Variants in VPS13B observed in about 807,000 individuals in gnomAD.
VPS13B encodes intermembrane lipid transfer protein VPS13B.
VPS13B carries 285 observed loss-of-function variants against 426.4 expected under a neutral mutation model. The observed-to-expected ratio is 0.67, with a 90% confidence interval of 0.61 to 0.74. The LOEUF is 0.74. Ranked by LOEUF, VPS13B falls within the 30% of genes least tolerant of loss-of-function variation. The pLI, the probability that VPS13B is intolerant of heterozygous loss-of-function variation, is 0.00. For synonymous variants in VPS13B, 1,676 were observed against 1,676.4 expected, an observed-to-expected ratio of 1.00 and a Z score of 0.01; for missense variants, 4,537 against 4,782.6, an observed-to-expected ratio of 0.95 and a Z score of 1.51.
intron 36 of VPS13B, among the ~76,000 whole-genome samples, chr8:99,701,172 T>C (rs2130192191): frequency 6.6e-6 from 1 of 152,320 alleles, no homozygotes; most frequent in East Asian, 1.9e-4. Flanking sequence ...TGTATTTTGT[T>C]TAATTGTCTT....
intron 47 of VPS13B, 115 bp downstream of exon 47, chr8:99,819,003 G>T: frequency 3.1e-6 from 3 of 981,266 alleles, no homozygotes; most frequent in South Asian, 2.9e-5. Context: ...GGGAGTGGAG[G>T]GAGTTTTTTG....
intron 21 of VPS13B, among the ~76,000 whole-genome samples, chr8:99,397,244 C>G (rs1029967306): frequency 4.6e-5 from 7 of 152,132 alleles, no homozygotes; most frequent in Non-Finnish European, 1.0e-4. Context: ...CTCCTGAGTT[C>G]AAAAGATTCT....
chr8:99,231,580 A>C (rs541916484), intron 17 of VPS13B, among the ~76,000 whole-genome samples: 1 of 152,226 alleles, frequency 6.6e-6, no homozygotes, highest in Non-Finnish European at 1.5e-5. Context: ...AATTCAGAAC[A>C]GTTGTTGCAC....
At chr8:99,800,242 CT>C (rs1374383797) in intron 43 of VPS13B, among the ~76,000 whole-genome samples, 2 of 152,120 alleles carry the variant, frequency 1.3e-5, no homozygotes, top group Non-Finnish European at 2.9e-5. Flanking sequence ...TGAATCTGTG[CT>C]TTTCAACCCT....
intron 16 of VPS13B, among the ~76,000 whole-genome samples, chr8:99,182,172 A>G (rs1045429236): frequency 5.3e-5 from 8 of 152,238 alleles, no homozygotes; most frequent in African/African-American, 1.9e-4. Flanking sequence ...CCACTCATCA[A>G]TAAAAAATAA....
At chr8:99,401,130 A>G (rs946195022) in intron 21 of VPS13B, among the ~76,000 whole-genome samples, 3 of 152,232 alleles carry the variant, frequency 2.0e-5, no homozygotes, top group Non-Finnish European at 2.9e-5. Context: ...TGAAAAGGGC[A>G]TCATTGACTG....
intron 17 of VPS13B, among the ~76,000 whole-genome samples, chr8:99,217,349 A>G (rs1194004400): frequency 1.3e-5 from 2 of 152,174 alleles, no homozygotes; most frequent in Non-Finnish European, 1.5e-5. Context: ...AGGCAGTAAC[A>G]CGGTCAAGGA....
At chr8:99,509,494 A>G (rs1256104087) in intron 28 of VPS13B, among the ~76,000 whole-genome samples, 2 of 152,170 alleles carry the variant, frequency 1.3e-5, no homozygotes, top group Admixed American at 1.3e-4. Flanking sequence ...AAGCAAAATT[A>G]GCAGTGATAA....
chr8:99,649,746 C>A (rs1056816976), intron 34 of VPS13B, among the ~76,000 whole-genome samples: 1 of 152,110 alleles, frequency 6.6e-6, no homozygotes, highest in African/African-American at 2.4e-5. Flanking sequence ...ATTTCCCCTA[C>A]ACTCTTAAAA....
intron 23 of VPS13B, among the ~76,000 whole-genome samples, chr8:99,466,936 G>A (rs1819140268): frequency 1.3e-5 from 2 of 152,080 alleles, no homozygotes; most frequent in African/African-American, 4.8e-5. Flanking sequence ...AGTTGAATCT[G>A]TTCCTCTACA....
chr8:99,162,929 T>G (rs1239556746), intron 15 of VPS13B, among the ~76,000 whole-genome samples: 2 of 152,156 alleles, frequency 1.3e-5, no homozygotes, highest in Non-Finnish European at 2.9e-5. Context: ...AGGGCGCTGA[T>G]TGGTGCGTTT....
At chr8:99,478,478 T>G (rs1482317050) in intron 24 of VPS13B, among the ~76,000 whole-genome samples, 8 of 147,218 alleles carry the variant, frequency 5.4e-5, no homozygotes, top group Admixed American at 2.0e-4. Flanking sequence ...TTTTTGTTTT[T>G]TTTTTTTTGC....
intron 58 of VPS13B, 121 bp from the exon 59 acceptor site, chr8:99,868,167 AG>A: frequency 3.3e-6 from 4 of 1,223,748 alleles, no homozygotes; most frequent in Non-Finnish European, 4.7e-6. Flanking sequence ...TGGGTAGTAA[AG>A]ACCTTTATAA....
At chr8:99,082,950 T>C (rs1371977415) in intron 3 of VPS13B, among the ~76,000 whole-genome samples, 1 of 152,190 alleles carries the variant, frequency 6.6e-6, no homozygotes, top group Non-Finnish European at 1.5e-5. Context: ...TGCGGGCTCT[T>C]TTTTGGTTCC....
intron 54 of VPS13B, among the ~76,000 whole-genome samples, chr8:99,836,544 T>C (rs546528668): frequency 6.6e-6 from 1 of 152,144 alleles, no homozygotes. Flanking sequence ...GTCTGGCTTA[T>C]TTCACCTAGC....
chr8:99,150,695 T>C (rs895184836), intron 14 of VPS13B, among the ~76,000 whole-genome samples: 3 of 152,230 alleles, frequency 2.0e-5, no homozygotes, highest in South Asian at 4.1e-4. Flanking sequence ...GTTTCCTCTT[T>C]GGCTTTTCAT....
intron 35 of VPS13B, among the ~76,000 whole-genome samples, chr8:99,685,599 C>A (rs1354092423): frequency 6.6e-6 from 1 of 152,130 alleles, no homozygotes; most frequent in East Asian, 1.9e-4. Context: ...CTCACTAATT[C>A]TTTCTTCAGC....
chr8:99,703,507 T>C (rs963569426), intron 36 of VPS13B, among the ~76,000 whole-genome samples: 1 of 152,168 alleles, frequency 6.6e-6, no homozygotes, highest in African/African-American at 2.4e-5. Flanking sequence ...CCTATGATTA[T>C]ATTAAAAGTA....
At chr8:99,220,861 A>G (rs902700253) in intron 17 of VPS13B, among the ~76,000 whole-genome samples, 3 of 117,714 alleles carry the variant, frequency 2.5e-5, no homozygotes, top group Non-Finnish European at 5.1e-5. Context: ...ATATGTATAC[A>G]TGTGCCATGC....
Sources: allele counts gnomAD v4.1 joint callset (sites outside exome capture counted in the v4.1 genomes callset), GRCh38; gene constraint gnomAD v4.1.1; transcripts MANE v1.5; gene names NCBI Gene and HGNC (gene_info 2026-07-23, HGNC 2026-07-21).